RALYL: variants seen among roughly 807,000 people sequenced by gnomAD.
RALYL encodes the protein RNA-binding Raly-like protein.
Under a neutral mutation model 35.1 loss-of-function variants are expected in RALYL, and 29 were observed. That is an observed-to-expected ratio of 0.83 (90% CI 0.61 to 1.13). The LOEUF is 1.13. RALYL is among the 50% of genes most tolerant of loss of function. The pLI, the probability that RALYL is intolerant of heterozygous loss-of-function variation, is 0.00. For missense variants in RALYL, 359 were observed against 360.4 expected, an observed-to-expected ratio of 1.00 and a Z score of 0.03; for synonymous variants, 120 against 127.6, an observed-to-expected ratio of 0.94 and a Z score of 0.40.
intron 1 of RALYL, among the ~76,000 whole-genome samples, chr8:84,462,755 C>G (rs1381859824): frequency 6.6e-6 from 1 of 151,686 alleles, no homozygotes; most frequent in Non-Finnish European, 1.5e-5. Context: ...TCTCTCTCTA[C>G]TCTGTTTCCT....
At chr8:84,207,653 G>C (rs979680442) in intron 1 of RALYL, among the ~76,000 whole-genome samples, 1 of 152,010 alleles carries the variant, frequency 6.6e-6, no homozygotes, top group Non-Finnish European at 1.5e-5. Context: ...ACTCAGCACA[G>C]TGATTATAGT....
chr8:84,674,991 G>A (rs1305021496), intron 2 of RALYL, among the ~76,000 whole-genome samples: 2 of 150,468 alleles, frequency 1.3e-5, no homozygotes, highest in African/African-American at 2.5e-5. Flanking sequence ...AAAAAAAAAA[G>A]GAAGACTTAA....
chr8:84,817,195 T>C (rs2087433614), intron 4 of RALYL, among the ~76,000 whole-genome samples: 1 of 152,156 alleles, frequency 6.6e-6, no homozygotes, highest in Non-Finnish European at 1.5e-5. Flanking sequence ...CCATTTTCCT[T>C]GAGGTTTATT....
At chr8:84,535,207 G>A (rs901529054) in intron 2 of RALYL, among the ~76,000 whole-genome samples, 1 of 152,160 alleles carries the variant, frequency 6.6e-6, no homozygotes, top group Non-Finnish European at 1.5e-5. Context: ...ACAGAGAAAT[G>A]AACTTAGTCT....
intron 4 of RALYL, among the ~76,000 whole-genome samples, chr8:84,810,674 T>C (rs1444801020): frequency 6.6e-6 from 1 of 152,186 alleles, no homozygotes; most frequent in Non-Finnish European, 1.5e-5. Flanking sequence ...GCTCCAGTGT[T>C]AGGTGCATAT....
At chr8:84,600,736 CT>C (rs1044833885) in intron 2 of RALYL, among the ~76,000 whole-genome samples, 2 of 152,058 alleles carry the variant, frequency 1.3e-5, no homozygotes, top group Non-Finnish European at 2.9e-5. Flanking sequence ...TAGTCATTTT[CT>C]TTTTCTTTAA....
chr8:84,326,875 T>G (rs1845899379), intron 1 of RALYL, among the ~76,000 whole-genome samples: 1 of 152,096 alleles, frequency 6.6e-6, no homozygotes, highest in African/African-American at 2.4e-5. Flanking sequence ...CAAATCAGAT[T>G]TTAAATGTAG....
At chr8:84,274,378 C>G (rs1187921556) in intron 1 of RALYL, among the ~76,000 whole-genome samples, 1 of 152,072 alleles carries the variant, frequency 6.6e-6, no homozygotes. Flanking sequence ...AATATTCGCT[C>G]TGGTTAACTT....
At chr8:84,280,765 A>T (rs181354960) in intron 1 of RALYL, among the ~76,000 whole-genome samples, 101 of 150,266 alleles carry the variant, frequency 6.7e-4, no homozygotes, top group African/African-American at 2.4e-3. Context: ...AAATATATAT[A>T]ATATACATAT....
intron 2 of RALYL, among the ~76,000 whole-genome samples, chr8:84,751,639 A>G (rs918513147): frequency 6.6e-6 from 1 of 151,856 alleles, no homozygotes; most frequent in Non-Finnish European, 1.5e-5. Flanking sequence ...ATGGGGGTGG[A>G]TTTCTCCCTT....
At chr8:84,408,109 A>G (rs1054341785) in intron 1 of RALYL, among the ~76,000 whole-genome samples, 1 of 152,132 alleles carries the variant, frequency 6.6e-6, no homozygotes, top group Admixed American at 6.5e-5. Context: ...TATTTTAATT[A>G]TATCTGTAAT....
At chr8:84,852,359 CTT>C (rs1236010598) in intron 5 of RALYL, among the ~76,000 whole-genome samples, 2 of 152,040 alleles carry the variant, frequency 1.3e-5, no homozygotes, top group African/African-American at 2.4e-5. Flanking sequence ...TATTAAGAAA[CTT>C]ATCATAACTT....
At chr8:84,469,855 A>T (rs2052435222) in intron 1 of RALYL, among the ~76,000 whole-genome samples, 1 of 152,100 alleles carries the variant, frequency 6.6e-6, no homozygotes, top group African/African-American at 2.4e-5. Flanking sequence ...GCTGTTTTTT[A>T]AGCCCGTCGG....
At chr8:84,837,174 T>G (rs1393611398) in intron 4 of RALYL, among the ~76,000 whole-genome samples, 1 of 152,338 alleles carries the variant, frequency 6.6e-6, no homozygotes, top group Middle Eastern at 3.4e-3. Context: ...CTGCCTCAAC[T>G]TACGGTCAAC....
In RALYL at chr8:84,295,223, G is replaced by A. The variant is rs570555681; in HGVS notation, c.-24+110799G>A. ...AAACAGAGAAAATTTGATTAGAGTTGGGTAAGGATAAGGATACAACTAAGA... is the reference window on the plus strand; with the variant it reads ...AAACAGAGAAAATTTGATTAGAGTTAGGTAAGGATAAGGATACAACTAAGA... On this transcript the variant is annotated intron_variant, in intron 1 of 8. Transcript: ENST00000521268. Among the ~76,000 whole-genome samples, 39 of 152,240 alleles carry A rather than the reference G, an allele frequency of 2.6e-4. No homozygotes were observed. The South Asian group carries it at 7.9e-3, about 31-fold the overall frequency.
intron 1 of RALYL, among the ~76,000 whole-genome samples, chr8:84,378,877 TG>T (rs1470862825): frequency 6.6e-6 from 1 of 151,974 alleles, no homozygotes; most frequent in African/African-American, 2.4e-5. Context: ...TCCTATATTT[TG>T]GGTGCTTACC....
At chr8:84,398,303 G>GT (rs2042543877) in intron 1 of RALYL, among the ~76,000 whole-genome samples, 1 of 148,872 alleles carries the variant, frequency 6.7e-6, no homozygotes, top group Non-Finnish European at 1.5e-5. Context: ...ACAAGGTAAA[G>GT]TTTCTTTTTT....
rs572015639 is a variant in RALYL at position 84,443,997 on chromosome 8, A to G, written c.-23-85302A>G. ...GCCAGAGGAGTGAATTTTTTGTTTT[A>G]TCTTATTTTCCTTTGTGTGAATAAG... On this transcript the variant is annotated intron_variant, in intron 1 of 8. Transcript: ENST00000521268. 7.2e-5 allele frequency among the ~76,000 whole-genome samples: 11 copies of G among 152,162 alleles called. No homozygotes were observed. In the South Asian group the frequency reaches 2.1e-3, roughly 29 times the overall value.
At chr8:84,277,682 A>G (rs1835691386) in intron 1 of RALYL, among the ~76,000 whole-genome samples, 1 of 152,196 alleles carries the variant, frequency 6.6e-6, no homozygotes, top group Admixed American at 6.5e-5. Flanking sequence ...CCTATTTTAA[A>G]TGGGAGAAAT....
Sources: allele counts gnomAD v4.1 joint callset (sites outside exome capture counted in the v4.1 genomes callset), GRCh38; gene constraint gnomAD v4.1.1; transcripts MANE v1.5; gene names NCBI Gene and HGNC (gene_info 2026-07-23, HGNC 2026-07-21).